RP1: variants seen among roughly 807,000 people sequenced by gnomAD.
RP1 encodes the protein oxygen-regulated protein 1.
RP1 carries 16 observed loss-of-function variants against 14.8 expected under a neutral mutation model. The observed-to-expected ratio is 1.08, with a 90% CI of 0.73 to 1.65. RP1 has a LOEUF of 1.65. Among genes scored for constraint, RP1 ranks in the 40% most tolerant of loss-of-function variants. The probability of loss-of-function intolerance (pLI) is 0.00; values close to 1 mark genes in which losing one functional copy is unlikely to be tolerated. For synonymous variants in RP1, 876 were observed against 883.6 expected (o/e 0.99, Z 0.15); for missense variants, 2,631 against 2,535.0 (o/e 1.04, Z -0.81).
At position 54,626,341 on chromosome 8, in the gene RP1, T is replaced by C. The variant is rs1806047680; in HGVS notation, c.2459T>C (p.Phe820Ser). Residue 820 changes from phenylalanine (F) to serine (S), a missense_variant, in exon 4 of 4, where the codon TTT becomes TCT. Coordinates refer to ENST00000220676, the MANE Select transcript of RP1 (RefSeq NM_006269.2). Reference sequence around the variant, plus strand: ...AGTACTTTTGAAAACAAAAGTTTATTTCATGTATTTAACATCCTTGAGCAA... The same window carrying C: ...AGTACTTTTGAAAACAAAAGTTTATCTCATGTATTTAACATCCTTGAGCAA... ...CKSTFENKSL[F>S]HVFNILEQKP... 1 of 1,613,514 alleles carries C rather than the reference T, an allele frequency of 6.2e-7. No individual in the cohort carries two copies. Among genetic ancestry groups the C allele is most frequent in the Admixed American group, 1.7e-5 (1 of 59,952 alleles).
At chr8:54,604,114 C>A (rs866241627) in intron 1 of RP1, among the ~76,000 whole-genome samples, 1 of 152,114 alleles carries the variant, frequency 6.6e-6, no homozygotes, top group Admixed American at 6.6e-5. Context: ...CTGTCTTGTG[C>A]CAGTTTTCAG....
At chr8:54,756,510 G>A (rs980614075) in intron 21 of RP1, among the ~76,000 whole-genome samples, 1 of 152,156 alleles carries the variant, frequency 6.6e-6, no homozygotes, top group African/African-American at 2.4e-5. Context: ...TGTCACTGTT[G>A]ATTACACAAA....
intron 7 of RP1, among the ~76,000 whole-genome samples, chr8:54,665,351 G>A (rs1270509019): frequency 2.0e-5 from 3 of 152,084 alleles, no homozygotes; most frequent in African/African-American, 7.2e-5. Flanking sequence ...TGATCAACTT[G>A]GCAGAGATTA....
chr8:54,582,803 C>A (rs185633843), intron 1 of RP1, among the ~76,000 whole-genome samples: 17 of 151,562 alleles, frequency 1.1e-4, no homozygotes, highest in East Asian at 9.7e-4. Context: ...GGCTCTCTGT[C>A]TGTTATTGGT....
In RP1 at chr8:54,638,886, C is replaced by T. The variant is rs1806403823; in HGVS notation, c.788-10099C>T. Among the ~76,000 whole-genome samples the T allele has an allele frequency of 4.6e-5, 5 of 109,848 alleles. 1 individual carries two copies. The South Asian group carries it at 1.3e-3, about 29-fold the overall frequency. The allele number at this position is 109,848 out of a possible 152,430, so 72.1% of individuals were successfully genotyped here. On this transcript the variant is annotated intron_variant, in intron 3 of 22. Transcript: ENST00000636932. ...TCCTTAATTTTTAATTTTCTTCTCT[C>T]TCTCTCTCTCTCTCTCTCTCTCGGT...
At chr8:54,779,958 T>C (rs967433083) in intron 23 of RP1, among the ~76,000 whole-genome samples, 1 of 152,166 alleles carries the variant, frequency 6.6e-6, no homozygotes, top group Non-Finnish European at 1.5e-5. Context: ...AAAACAATAA[T>C]TTGTTATTAT....
At chr8:54,846,045 A>T (rs532656957) in intron 25 of RP1, among the ~76,000 whole-genome samples, 2 of 152,316 alleles carry the variant, frequency 1.3e-5, no homozygotes, top group East Asian at 3.9e-4. Context: ...GGCTGCCCTC[A>T]TTGCCACATG....
intron 23 of RP1, among the ~76,000 whole-genome samples, chr8:54,780,141 T>C (rs1324320469): frequency 6.6e-6 from 1 of 152,238 alleles, no homozygotes; most frequent in African/African-American, 2.4e-5. Flanking sequence ...CTGTTGCAAC[T>C]ACTCAACTCT....
chr8:54,589,837 A>T (rs1210516706), intron 1 of RP1, among the ~76,000 whole-genome samples: 2 of 152,184 alleles, frequency 1.3e-5, no homozygotes, highest in African/African-American at 2.4e-5. Flanking sequence ...TTCCACTGCC[A>T]CTGGAATGGA....
Position 54,626,759 on chromosome 8 carries a change from A to C in RP1, c.2877A>C (p.Thr959=). ...GTTTTTCAGGGAATGATCCCCATAC[A>C]AATTCTGGAAAAATAAGTAATTTTG... is the stretch of plus-strand genomic sequence containing the variant. The part of the protein sequence containing the change: ...NNSFSGNDPH[T]NSGKISNFVM... The change falls in exon 4 of 4, where the codon ACA becomes ACC. Residue 959 remains threonine, a synonymous_variant. Coordinates refer to ENST00000220676, the MANE Select transcript of RP1 (RefSeq NM_006269.2). 6.2e-7 allele frequency: 1 copy of C among 1,613,912 alleles called. No individual in the cohort carries two copies. The highest frequency in any genetic ancestry group is 8.5e-7 in the Non-Finnish European group (1 of 1,179,942).
chr8:54,632,509 C>T (rs796093946), downstream of RP1, among the ~76,000 whole-genome samples: 12 of 152,268 alleles, frequency 7.9e-5, no homozygotes, highest in African/African-American at 2.2e-4. Flanking sequence ...GAGCTAGCTT[C>T]GTACTTGGTA....
intron 13 of RP1, chr8:54,699,588 T>C: frequency 8.1e-7 from 1 of 1,228,668 alleles, no homozygotes; most frequent in Non-Finnish European, 1.1e-6. Context: ...GTAAATTTTC[T>C]TTTTGCCATA....
At chr8:54,577,636 T>C (rs1056223529) in intron 1 of RP1, among the ~76,000 whole-genome samples, 7 of 152,230 alleles carry the variant, frequency 4.6e-5, no homozygotes, top group African/African-American at 1.7e-4. Flanking sequence ...CATGATTTCT[T>C]ACTAGATACT....
At chr8:54,796,468 C>A (rs1270230465) in intron 24 of RP1, among the ~76,000 whole-genome samples, 1 of 152,146 alleles carries the variant, frequency 6.6e-6, no homozygotes, top group Non-Finnish European at 1.5e-5. Flanking sequence ...TGGAAATAGG[C>A]TCTTTACAGA....
At chr8:54,682,231 T>A (rs1366702960) in intron 12 of RP1, among the ~76,000 whole-genome samples, 1 of 152,124 alleles carries the variant, frequency 6.6e-6, no homozygotes, top group Non-Finnish European at 1.5e-5. Context: ...TTTTCCCCTT[T>A]TTTTTAAATT....
At chr8:54,638,301 G>A (rs1362581434) in intron 3 of RP1, among the ~76,000 whole-genome samples, 1 of 152,016 alleles carries the variant, frequency 6.6e-6, no homozygotes, top group Admixed American at 6.6e-5. Context: ...AGCCAGGCAT[G>A]GTGTTGTGCA....
intron 16 of RP1, among the ~76,000 whole-genome samples, chr8:54,724,799 T>C (rs1350069762): frequency 6.6e-6 from 1 of 152,172 alleles, no homozygotes; most frequent in Non-Finnish European, 1.5e-5. Context: ...TCCATACTAC[T>C]GTGTTGTATA....
At chr8:54,624,381 G>A (rs1019078604) in intron 3 of RP1, among the ~76,000 whole-genome samples, 7 of 145,282 alleles carry the variant, frequency 4.8e-5, no homozygotes, top group Non-Finnish European at 1.0e-4. Flanking sequence ...GGAGGTGGAG[G>A]TAGCAGTGAG....
chr8:54,745,004 C>A (rs1370622352), intron 19 of RP1, among the ~76,000 whole-genome samples: 1 of 152,142 alleles, frequency 6.6e-6, no homozygotes, highest in Non-Finnish European at 1.5e-5. Context: ...GATTTGTACT[C>A]ATATTCAGAA....
Sources: allele counts gnomAD v4.1 joint callset (sites outside exome capture counted in the v4.1 genomes callset), GRCh38; gene constraint gnomAD v4.1.1; transcripts MANE v1.5; gene names NCBI Gene and HGNC (gene_info 2026-07-23, HGNC 2026-07-21).